The following ALDH7A1 variants were observed in gnomAD, a reference collection of about 807,000 sequenced individuals.
ALDH7A1 encodes alpha-aminoadipic semialdehyde dehydrogenase.
Under a neutral mutation model 79.9 loss-of-function variants are expected in ALDH7A1, and 63 were observed. That is an observed-to-expected ratio of 0.79 (90% confidence interval 0.64 to 0.97). The LOEUF is 0.97. ALDH7A1 is among the 50% of genes least tolerant of loss of function. The pLI, the probability that ALDH7A1 is intolerant of heterozygous loss-of-function variation, is 0.00. For missense variants in ALDH7A1, 627 were observed against 665.2 expected, an observed-to-expected ratio of 0.94 and a Z score of 0.63; for synonymous variants, 240 against 231.2, an observed-to-expected ratio of 1.04 and a Z score of -0.34.
At position 126,568,259 on chromosome 5, in the gene ALDH7A1, C is replaced by A. The variant is rs1750656759; in HGVS notation, c.871G>T (p.Gly291Trp). 4 of 1,614,010 alleles carry A rather than the reference C, an allele frequency of 2.5e-6. No individual in the cohort carries two copies. The highest frequency in any genetic ancestry group is 3.4e-6 in the Non-Finnish European group (4 of 1,179,922). Residue 291 changes from glycine (G) to tryptophan (W), a missense_variant and splice_region_variant, in exon 9 of 18, where the codon GGG (glycine) becomes TGG (tryptophan). Gly to Trp is a radical substitution (Grantham distance 184). Coordinates refer to ENST00000409134, the MANE Select transcript of ALDH7A1 (RefSeq NM_001182.5). ...QVGLMVQERF[G>W]RSLLELGGNN... Reference sequence around the variant, plus strand: ...TCCTCATTAGAAAGCCAACACTTACCAAACCTCTCCTGCACCATCAGGCCC... The same window carrying A: ...TCCTCATTAGAAAGCCAACACTTACAAAACCTCTCCTGCACCATCAGGCCC...
At chr5:126,585,720 C>T (rs1360439734) in intron 3 of ALDH7A1, among the ~76,000 whole-genome samples, 2 of 152,080 alleles carry the variant, frequency 1.3e-5, no homozygotes, top group Non-Finnish European at 2.9e-5. Context: ...TGCCACCACG[C>T]CCGGCTAATT....
rs114159563 is a variant in ALDH7A1 at position 126,573,071 on chromosome 5, T to A, written c.696-2212A>T. Among the ~76,000 whole-genome samples, 21 of 130,024 alleles carry A rather than the reference T, an allele frequency of 1.6e-4. No individual in the cohort carries two copies. The East Asian group carries it at 3.9e-3, about 24-fold the overall frequency. 85.3% of individuals were successfully genotyped at this position (130,024 alleles called of 152,430 possible). On this transcript the variant is annotated intron_variant, in intron 7 of 17. Transcript: ENST00000409134. ...GTGCTTTGAAGACCATCAACCAGCA[T>A]ATAAACTCTTACATGAACATTTCAA...
intron 9 of ALDH7A1, among the ~76,000 whole-genome samples, chr5:126,566,460 A>G (rs1750587677): frequency 6.6e-6 from 1 of 152,148 alleles, no homozygotes; most frequent in Non-Finnish European, 1.5e-5. Context: ...CTTTTTCATT[A>G]GCTGTTTTTT....
At chr5:126,589,452 G>C (rs1581401936) in intron 3 of ALDH7A1, among the ~76,000 whole-genome samples, 1 of 151,828 alleles carries the variant, frequency 6.6e-6, no homozygotes, top group Non-Finnish European at 1.5e-5. Context: ...CATCGTGCCT[G>C]GTCTATTTTT....
chr5:126,594,507 C>A (rs1751673065), intron 1 of ALDH7A1: 1 of 274,400 alleles, frequency 3.6e-6, no homozygotes, highest in Non-Finnish European at 7.2e-6. Flanking sequence ...TGCAATGGCA[C>A]GATCTCGGCT....
chr5:126,567,181 C>G (rs998318659), intron 9 of ALDH7A1, among the ~76,000 whole-genome samples: 1 of 152,130 alleles, frequency 6.6e-6, no homozygotes, highest in Non-Finnish European at 1.5e-5. Flanking sequence ...TTCTAAGTTG[C>G]TAGCCAATTG....
At chr5:126,588,351 T>C (rs35797169) in intron 3 of ALDH7A1, 1 of 151,884 alleles carries the variant, frequency 6.6e-6, no homozygotes. Context: ...TGGTGGCTCA[T>C]GCCTGTAGTC....
At chr5:126,588,631 G>A (rs912370576) in intron 3 of ALDH7A1, 4 of 152,154 alleles carry the variant, frequency 2.6e-5, no homozygotes, top group Non-Finnish European at 1.5e-5. Flanking sequence ...TTCAAAACAG[G>A]ATATGCAAAG....
In ALDH7A1 at chr5:126,542,146, GAAAAAA is replaced by G. The variant is rs11395324; in HGVS notation, c.*2813_*2818del. On this transcript the variant is annotated 3_prime_UTR_variant, in exon 18 of 18. Coordinates refer to ENST00000409134, the MANE Select transcript of ALDH7A1 (RefSeq NM_001182.5). The stretch of plus-strand genomic sequence containing the variant: ...TTCTGCAGGATAAGCTCCAGGTGTA[GAAAAAA>G]AAAAAAAAAAAAAAGTTTGTTGGAG... The G allele has an allele frequency of 2.5e-4, 24 of 94,542 alleles. No individual in the cohort carries two copies. Among genetic ancestry groups the G allele is most frequent in the African/African-American group, 8.4e-4 (23 of 27,462 alleles). 5.9% of individuals were successfully genotyped at this position (94,542 alleles called of 1,614,324 possible).
At chr5:126,559,133 G>C (rs1352381258) in intron 11 of ALDH7A1, 107 bp downstream of exon 11, 3 of 889,914 alleles carry the variant, frequency 3.4e-6, no homozygotes, top group Admixed American at 3.9e-5. Context: ...GCCACATCTA[G>C]AGAGCATGTT....
intron 16 of ALDH7A1, among the ~76,000 whole-genome samples, chr5:126,548,903 A>G (rs1749889570): frequency 6.7e-6 from 1 of 149,734 alleles, no homozygotes; most frequent in Admixed American, 6.7e-5. Context: ...CTAAAAAAAA[A>G]AAAAAAAAAA....
At chr5:126,553,845 T>C (rs982308473) in intron 13 of ALDH7A1, among the ~76,000 whole-genome samples, 3 of 151,710 alleles carry the variant, frequency 2.0e-5, no homozygotes, top group Admixed American at 6.6e-5. Context: ...TGGTGGTTCA[T>C]GCCTGTAATC....
chr5:126,590,199 C>T (rs2112812721), intron 3 of ALDH7A1, among the ~76,000 whole-genome samples: 1 of 151,584 alleles, frequency 6.6e-6, no homozygotes, highest in South Asian at 2.1e-4. Flanking sequence ...CCGGCCACCG[C>T]CCTGTCTGGG....
chr5:126,567,886 C>T (rs1750642410), intron 9 of ALDH7A1: 2 of 296,458 alleles, frequency 6.7e-6, no homozygotes, highest in African/African-American at 4.4e-5. Context: ...CGGGTTCAGA[C>T]CATTCTCTTG....
chr5:126,583,529 A>G (rs920544747), intron 4 of ALDH7A1, among the ~76,000 whole-genome samples: 1 of 149,980 alleles, frequency 6.7e-6, no homozygotes, highest in Non-Finnish European at 1.5e-5. Context: ...ATATAATATA[A>G]ATTACTTTTC....
chr5:126,577,296 G>T, intron 5 of ALDH7A1, 85 bp from the exon 6 acceptor site: 1 of 1,544,494 alleles, frequency 6.5e-7, no homozygotes. Context: ...ACAGCAGACT[G>T]GAGAAGATTC....
chr5:126,582,159 AT>A, intron 5 of ALDH7A1: 1 of 398,708 alleles, frequency 2.5e-6, no homozygotes. Flanking sequence ...CCTACAAAAT[AT>A]AAAAAAGACA....
chr5:126,567,945 C>G (rs36120385), intron 9 of ALDH7A1: 88,880 of 341,332 alleles, frequency 0.26, 18,726 homozygotes, highest in African/African-American at 0.75. Context: ...CACCACGCCC[C>G]GCTAATTTTT....
At chr5:126,574,029 A>AAAG (rs1750875372) in intron 7 of ALDH7A1, among the ~76,000 whole-genome samples, 1 of 150,692 alleles carries the variant, frequency 6.6e-6, no homozygotes, top group Admixed American at 6.6e-5. Flanking sequence ...GTCTCAAAAA[A>AAAG]AAAAAAAAAA....
Sources: gnomAD v4.1 joint callset for allele counts (sites outside exome capture counted in the v4.1 genomes callset) on GRCh38, gnomAD v4.1.1 for gene constraint, MANE v1.5 for transcripts, NCBI Gene and HGNC (gene_info 2026-07-23, HGNC 2026-07-21) for gene names.